ARID1B: variants seen among roughly 807,000 people sequenced by gnomAD.
ARID1B encodes the protein AT-rich interaction domain 1B.
ARID1B carries 30 observed loss-of-function variants against 212.3 expected under a neutral mutation model. The observed-to-expected ratio is 0.14, with a 90% CI of 0.11 to 0.19. ARID1B has a LOEUF of 0.19. ARID1B is among the 10% of genes least tolerant of loss of function. The pLI, the probability that ARID1B is intolerant of heterozygous loss-of-function variation, is 1.00. For missense variants in ARID1B, 2,891 were observed against 3,204.0 expected (o/e 0.90, Z 2.36); for synonymous variants, 1,402 against 1,301.7 (o/e 1.08, Z -1.66).
rs60183999 is a variant in ARID1B, at chr6:156,909,123, C to CTTTT, written c.2136+7615_2136+7618dup. On this transcript the variant is annotated intron_variant, in intron 3 of 19. Transcript: ENST00000636930. Reference sequence around the variant, plus strand: ...TTCTTTTTTTTTCTTTTTTCTTTCTCTTTTTTTTTTTTTTTTTTTTGAGAC... The same window carrying CTTTT: ...TTCTTTTTTTTTCTTTTTTCTTTCTCTTTTTTTTTTTTTTTTTTTTTTTTGAGAC... Among the ~76,000 whole-genome samples, 127 of 108,826 alleles carry CTTTT rather than the reference C, an allele frequency of 1.2e-3. 3 individuals are homozygous for CTTTT. The highest frequency in any genetic ancestry group is 3.9e-3 in the African/African-American group (105 of 26,682). 71.4% of individuals were successfully genotyped at this position (108,826 alleles called of 152,430 possible).
chr6:156,925,019 T>G (rs1040867385), intron 3 of ARID1B, among the ~76,000 whole-genome samples: 1 of 152,204 alleles, frequency 6.6e-6, no homozygotes, highest in South Asian at 2.1e-4. Context: ...GGAAGAAGTC[T>G]TATGAAAACT....
At position 157,210,149 on chromosome 6, in the gene ARID1B, G is replaced by A. The variant is rs1254155122; in HGVS notation, c.*2258G>A. 1.7e-5 allele frequency: 4 copies of A among 232,420 alleles called. No individual in the cohort carries two copies. Among genetic ancestry groups the A allele is most frequent in the Non-Finnish European group, 8.5e-6 (1 of 117,668 alleles). 14.4% of individuals were successfully genotyped at this position (232,420 alleles called of 1,614,324 possible). A position where few individuals can be genotyped will look rare whatever the true frequency, so the allele number is the denominator to read the frequency against. The stretch of plus-strand genomic sequence containing the variant: ...CATCTGTCAACTCCCACATTACTGA[G>A]TCAAACAGTCTTCTTACATAACAAT... On this transcript the variant is annotated 3_prime_UTR_variant, in exon 20 of 20. Transcript: ENST00000636930.
chr6:157,085,772 A>G (rs12197665), intron 5 of ARID1B, among the ~76,000 whole-genome samples: 25,077 of 152,150 alleles, frequency 0.16, 2,237 homozygotes, highest in Non-Finnish European at 0.19. Flanking sequence ...AAAAGAACAT[A>G]CATAGCACAC....
At chr6:157,112,689 A>G (rs1229583872) in intron 6 of ARID1B, among the ~76,000 whole-genome samples, 1 of 152,222 alleles carries the variant, frequency 6.6e-6, no homozygotes, top group East Asian at 1.9e-4. Flanking sequence ...GGCAATGTAG[A>G]AAACCAGATG....
chr6:156,950,020 A>C (rs549650655), intron 4 of ARID1B, among the ~76,000 whole-genome samples: 1 of 152,212 alleles, frequency 6.6e-6, no homozygotes, highest in Non-Finnish European at 1.5e-5. Flanking sequence ...AGTTTGGACA[A>C]TTAAAATATG....
Position 156,793,529 on chromosome 6 carries a change from T to A in ARID1B, c.1791+14058T>A, listed in dbSNP as rs6926092. On this transcript the variant is annotated intron_variant, in intron 1 of 19. Coordinates refer to ENST00000636930, the MANE Select transcript of ARID1B (RefSeq NM_001374828.1). The stretch of plus-strand genomic sequence containing the variant: ...TTTCAAAATTTTTGCAGAGATGGGG[T>A]CTCACTGTGTTGCCCGGGCTGGTCT... Among the ~76,000 whole-genome samples, 1,443 of 152,168 alleles carry A rather than the reference T, an allele frequency of 9.5e-3. 31 individuals are homozygous for A. Among genetic ancestry groups the A allele is most frequent in the African/African-American group, 0.033 (1,382 of 41,500 alleles).
At chr6:157,144,887 T>G (rs891070424) in intron 7 of ARID1B, among the ~76,000 whole-genome samples, 1 of 152,246 alleles carries the variant, frequency 6.6e-6, no homozygotes, top group East Asian at 1.9e-4. Flanking sequence ...TTTTTTATTT[T>G]AACTTGAAAA....
intron 19 of ARID1B, chr6:157,204,754 A>G (rs1794332924): frequency 6.6e-6 from 1 of 152,226 alleles, no homozygotes; most frequent in Non-Finnish European, 1.5e-5. Context: ...CCACTGGGCT[A>G]TAGACTTTTA....
chr6:157,107,404 A>G (rs1786572387), intron 5 of ARID1B, among the ~76,000 whole-genome samples: 1 of 152,224 alleles, frequency 6.6e-6, no homozygotes, highest in Admixed American at 6.5e-5. Flanking sequence ...GCTAAAGGAT[A>G]TAAGGGAACT....
Position 157,133,130 on chromosome 6 carries a change from A to G in ARID1B, c.2684A>G (p.His895Arg). 1 of 1,614,176 alleles carries G rather than the reference A, an allele frequency of 6.2e-7. No individual in the cohort carries two copies. Among genetic ancestry groups the G allele is most frequent in the Non-Finnish European group, 8.5e-7 (1 of 1,180,030 alleles). Residue 895 changes from histidine (H) to arginine (R), a missense_variant, in exon 7 of 20, where the codon CAT becomes CGT. His to Arg is a conservative substitution (Grantham distance 29). Around this residue, in one of 7 missense-constraint regions of ARID1B, gnomAD observed 1,643 missense variants for 1,544.0 expected, o/e 1.06. Transcript: ENST00000636930. ...SPHPSPGGQMHAGISSFQQSN... is the reference protein window; with the variant it reads ...SPHPSPGGQMRAGISSFQQSN... Reference sequence around the variant, plus strand: ...CATCCTTCTCCTGGGGGCCAGATGCATGCTGGAATCAGTAGCTTTCAGCAG... The same window carrying G: ...CATCCTTCTCCTGGGGGCCAGATGCGTGCTGGAATCAGTAGCTTTCAGCAG...
intron 4 of ARID1B, among the ~76,000 whole-genome samples, chr6:157,048,791 G>A (rs759583944): frequency 1.3e-5 from 2 of 152,218 alleles, no homozygotes; most frequent in Non-Finnish European, 2.9e-5. Context: ...GTTTTGCCAT[G>A]TGTGATTTAT....
At position 157,171,646 on chromosome 6, in the gene ARID1B, T is replaced by G. The variant is rs181547107; in HGVS notation, c.3236-2362T>G. Among the ~76,000 whole-genome samples the G allele has an allele frequency of 2.8e-3, 434 of 152,372 alleles. 1 individual carries two copies. Among genetic ancestry groups the G allele is most frequent in the Admixed American group, 5.0e-3 (77 of 15,314 alleles). On this transcript the variant is annotated intron_variant, in intron 9 of 19. Transcript: ENST00000636930. Reference sequence around the variant, plus strand: ...CCATTTATTACTCTAAATTCTATCCTTATTTATCTCTCAAAATAATAGAAC... The same window carrying G: ...CCATTTATTACTCTAAATTCTATCCGTATTTATCTCTCAAAATAATAGAAC...
intron 15 of ARID1B, chr6:157,195,800 C>G (rs1042417130): frequency 8.0e-6 from 2 of 250,280 alleles, no homozygotes; most frequent in African/African-American, 4.7e-5. Flanking sequence ...GTGGCTCACG[C>G]CTATAATCCC....
chr6:157,161,818 T>G (rs1224822557), intron 8 of ARID1B, among the ~76,000 whole-genome samples: 1 of 152,212 alleles, frequency 6.6e-6, no homozygotes, highest in Non-Finnish European at 1.5e-5. Context: ...GTTTATGTTG[T>G]TAGTAAGCAG....
chr6:156,799,940 G>A (rs1022933843), intron 1 of ARID1B, among the ~76,000 whole-genome samples: 13 of 152,124 alleles, frequency 8.5e-5, no homozygotes, highest in African/African-American at 3.1e-4. Flanking sequence ...GAGTTTTCTT[G>A]TTTTCGGGGT....
At chr6:157,147,800 TC>T (rs1177322577) in intron 7 of ARID1B, among the ~76,000 whole-genome samples, 20 of 2,976 alleles carry the variant, frequency 6.7e-3, no homozygotes, top group East Asian at 0.023. Flanking sequence ...GTCCCTCACC[TC>T]CGCCTCCGGC....
intron 6 of ARID1B, among the ~76,000 whole-genome samples, chr6:157,126,947 A>C (rs1322215884): frequency 1.3e-5 from 2 of 152,248 alleles, no homozygotes; most frequent in Non-Finnish European, 2.9e-5. Context: ...ACACCATCTT[A>C]GAAGAATGTT....
chr6:156,941,098 A>G (rs1006718042), intron 4 of ARID1B: 3 of 152,234 alleles, frequency 2.0e-5, no homozygotes, highest in African/African-American at 4.8e-5. Flanking sequence ...AGGAAAACCC[A>G]TATCTGTCAT....
chr6:156,935,596 AT>A lies in ARID1B; in HGVS notation c.2247+23del, dbSNP rs766197911. On this transcript the variant is annotated intron_variant, in intron 4 of 19. Transcript: ENST00000636930. The stretch of plus-strand genomic sequence containing the variant: ...TTACCAGTAAGACATTATTGTGCTG[AT>A]TTGGAAATGTAATGAGTTAAAGACT... 10 of 1,575,814 alleles carry A rather than the reference AT, an allele frequency of 6.3e-6. No homozygotes were observed. Among genetic ancestry groups the A allele is most frequent in the Admixed American group, 3.4e-5 (2 of 59,700 alleles).
Sources: allele counts gnomAD v4.1 joint callset (sites outside exome capture counted in the v4.1 genomes callset), GRCh38; gene constraint gnomAD v4.1.1; regional missense constraint gnomAD v4.1.1; transcripts MANE v1.5; gene names NCBI Gene and HGNC (gene_info 2026-07-23, HGNC 2026-07-21).